Variants in AGAP1 observed in about 807,000 individuals in gnomAD.
AGAP1 encodes the protein ArfGAP with GTPase domain, ankyrin repeat and PH domain 1, also known as arf-GAP with GTPase, ANK repeat and PH domain-containing protein 1.
A neutral mutation model predicts 105.3 loss-of-function variants in AGAP1; 29 were observed. The observed-to-expected ratio is 0.28, with a 90% CI of 0.21 to 0.38. The LOEUF is 0.38. AGAP1 is among the 10% of genes least tolerant of loss of function. The pLI, the probability that AGAP1 is intolerant of heterozygous loss-of-function variation, is 1.00. For missense variants in AGAP1, 998 were observed against 1,165.1 expected, an observed-to-expected ratio of 0.86 and a Z score of 2.09; for synonymous variants, 509 against 485.9, an observed-to-expected ratio of 1.05 and a Z score of -0.63.
At chr2:235,617,373 C>T (rs1019098815) in intron 1 of AGAP1, among the ~76,000 whole-genome samples, 8 of 152,160 alleles carry the variant, frequency 5.3e-5, no homozygotes, top group African/African-American at 1.7e-4. Flanking sequence ...CCCAAATCAG[C>T]AGTGTGCTTG....
intron 1 of AGAP1, among the ~76,000 whole-genome samples, chr2:235,707,472 A>AAC (rs1950593577): frequency 8.9e-5 from 2 of 22,408 alleles, no homozygotes. Flanking sequence ...CCTCCCCATG[A>AAC]CCCCCCCCCC....
intron 6 of AGAP1, among the ~76,000 whole-genome samples, chr2:235,773,564 TTTCG>T (rs1046408258): frequency 2.6e-5 from 4 of 152,172 alleles, no homozygotes; most frequent in African/African-American, 9.7e-5. Flanking sequence ...AAGTTGGGGT[TTTCG>T]TTCGATTTAG....
At chr2:235,506,474 G>A (rs1221873121) in intron 1 of AGAP1, among the ~76,000 whole-genome samples, 6 of 151,622 alleles carry the variant, frequency 4.0e-5, no homozygotes, top group Non-Finnish European at 7.4e-5. Flanking sequence ...AGCTATGATT[G>A]CATCACTGCG....
intron 9 of AGAP1, chr2:235,852,710 C>G: frequency 6.6e-7 from 1 of 1,521,132 alleles, no homozygotes; most frequent in Non-Finnish European, 8.8e-7. Flanking sequence ...TGTCCTTGCA[C>G]TGACAGCCAG....
intron 16 of AGAP1, among the ~76,000 whole-genome samples, chr2:236,085,346 C>A (rs964986572): frequency 5.3e-5 from 8 of 152,032 alleles, no homozygotes; most frequent in Non-Finnish European, 7.4e-5. Flanking sequence ...GGGTGCAAAT[C>A]AGAAGCGTCC....
chr2:235,758,516 C>G (rs910799475), intron 6 of AGAP1, among the ~76,000 whole-genome samples: 2 of 152,078 alleles, frequency 1.3e-5, no homozygotes, highest in Admixed American at 1.3e-4. Context: ...GTCTCTACAC[C>G]CTCACCCCCT....
rs923808212 is a variant in AGAP1 at position 235,755,413 on chromosome 2, A to T, written c.673+4925A>T. Reference sequence around the variant, plus strand: ...GAAAAATAAAGTTCATTCCATGTAGACATTGTTCCTCTGGTCCTACGATCC... The same window carrying T: ...GAAAAATAAAGTTCATTCCATGTAGTCATTGTTCCTCTGGTCCTACGATCC... On this transcript the variant is annotated intron_variant, in intron 6 of 17. Transcript: ENST00000304032. 2.0e-5 allele frequency among the ~76,000 whole-genome samples: 3 copies of T among 152,296 alleles called. No individual in the cohort carries two copies. The South Asian group carries it at 6.2e-4, about 32-fold the overall frequency.
At position 236,040,527 on chromosome 2, in the gene AGAP1, A is replaced by C; in HGVS notation, c.1801-224A>C. On this transcript the variant is annotated intron_variant, in intron 14 of 17. Transcript: ENST00000304032. The surrounding 1 kb of genome is among the most constrained non-coding windows in gnomAD (Gnocchi z 5.6). ...TTTCTGGCAGAGTCCGTCTCAGCTG[A>C]TGAGTTAAAATGTGACATTTCCTCC... 3 of 532,676 alleles carry C rather than the reference A, an allele frequency of 5.6e-6. No individual in the cohort carries two copies. The highest frequency in any genetic ancestry group is 1.0e-5 in the Non-Finnish European group (3 of 295,688). 33.0% of individuals were successfully genotyped at this position (532,676 alleles called of 1,614,324 possible). A position where few individuals can be genotyped will look rare whatever the true frequency, so the allele number is the denominator to read the frequency against.
intron 5 of AGAP1, among the ~76,000 whole-genome samples, chr2:235,745,605 G>T (rs540186544): frequency 6.6e-6 from 1 of 152,342 alleles, no homozygotes; most frequent in African/African-American, 2.4e-5. Context: ...AGGAAAAATT[G>T]TATATCCCTT....
In AGAP1 at chr2:235,664,833, G is replaced by A. The variant is rs915831124; in HGVS notation, c.164-44346G>A. 2.0e-5 allele frequency among the ~76,000 whole-genome samples: 3 copies of A among 152,150 alleles called. No homozygotes were observed. The East Asian group carries it at 5.8e-4, about 29-fold the overall frequency. ...CCCATTCTCAGAGGATAAAGTACGT[G>A]TGAGTGATGCCACCTCAACCCTTAG... On this transcript the variant is annotated intron_variant, in intron 1 of 17. Coordinates refer to ENST00000304032, the MANE Select transcript of AGAP1 (RefSeq NM_001037131.3). This position sits in a 1 kb window ranked among gnomAD's most constrained non-coding sequence, Gnocchi z 5.7.
chr2:235,709,375 C>A, intron 2 of AGAP1, 138 bp downstream of exon 2: 2 of 1,001,290 alleles, frequency 2.0e-6, no homozygotes, highest in South Asian at 1.4e-5. Context: ...CTGGGAAGGG[C>A]CAGGTATAGT....
chr2:235,686,261 G>A (rs1229666665), intron 1 of AGAP1, among the ~76,000 whole-genome samples: 1 of 152,084 alleles, frequency 6.6e-6, no homozygotes, highest in Non-Finnish European at 1.5e-5. Context: ...AGAGGTGCTG[G>A]CCAAGGTGAA....
intron 9 of AGAP1, among the ~76,000 whole-genome samples, chr2:235,868,959 C>G (rs1020002625): frequency 6.6e-6 from 1 of 152,168 alleles, no homozygotes; most frequent in Non-Finnish European, 1.5e-5. Flanking sequence ...ATGTGCCTGC[C>G]TGGAATCCTG....
At chr2:235,713,595 A>G (rs1029469434) in intron 2 of AGAP1, among the ~76,000 whole-genome samples, 20 of 152,248 alleles carry the variant, frequency 1.3e-4, no homozygotes, top group Admixed American at 2.6e-4. Context: ...AGCCAGATCA[A>G]CACACTGATG....
At chr2:236,086,591 T>G (rs1045491066) in intron 16 of AGAP1, among the ~76,000 whole-genome samples, 6 of 152,230 alleles carry the variant, frequency 3.9e-5, no homozygotes, top group African/African-American at 1.4e-4. Context: ...CAAACAAAAC[T>G]AACCGTCACT....
At chr2:235,767,775 G>GGCTTTTT (rs1955087665) in intron 6 of AGAP1, among the ~76,000 whole-genome samples, 1 of 106,134 alleles carries the variant, frequency 9.4e-6, no homozygotes, top group African/African-American at 3.5e-5. Context: ...CCAGTTTCTT[G>GGCTTTTT]TCTTTTTTTT....
chr2:235,939,221 T>A (rs1394108916), intron 12 of AGAP1, among the ~76,000 whole-genome samples: 1 of 152,034 alleles, frequency 6.6e-6, no homozygotes, highest in East Asian at 1.9e-4. Flanking sequence ...TGCCTTCCTC[T>A]CCCTTGCCTG....
Position 235,959,582 on chromosome 2 carries a change from G to A in AGAP1, c.1484-8880G>A, listed in dbSNP as rs559984019. On this transcript the variant is annotated intron_variant, in intron 12 of 17. Coordinates refer to ENST00000304032, the MANE Select transcript of AGAP1 (RefSeq NM_001037131.3). The surrounding 1 kb of genome is among the most constrained non-coding windows in gnomAD (Gnocchi z 7.3). ...GCCTCCAGGTGGGTCCTCTCTGGTC[G>A]CTCCTCACTGGTCTTGAGTCCCAGG... Among the ~76,000 whole-genome samples the A allele has an allele frequency of 2.0e-5, 3 of 152,156 alleles. No homozygotes were observed. Among genetic ancestry groups the A allele is most frequent in the South Asian group, 4.2e-4 (2 of 4,806 alleles).
At position 235,728,326 on chromosome 2, in the gene AGAP1, T is replaced by TGTGTGTGTGTGTGTGTGTGTGTGTGTGC. The variant is rs986896995; in HGVS notation, c.310+10683_310+10684insTGTGTGTGTGTGTGTGTGTGTGTGTGCG. Among the ~76,000 whole-genome samples the TGTGTGTGTGTGTGTGTGTGTGTGTGTGC allele has an allele frequency of 4.1e-4, 62 of 151,740 alleles. No individual in the cohort carries two copies. The highest frequency in any genetic ancestry group is 1.4e-3 in the African/African-American group (59 of 41,202). On this transcript the variant is annotated intron_variant, in intron 3 of 17. Transcript: ENST00000304032. The surrounding 1 kb of genome is among the most constrained non-coding windows in gnomAD (Gnocchi z 4.3). Reference sequence around the variant, plus strand: ...CTGTGTGTGTGTGTGTGTGTGTGTGTGCGTGCTCTTAAATCAATGTAAATT... The same window carrying TGTGTGTGTGTGTGTGTGTGTGTGTGTGC: ...CTGTGTGTGTGTGTGTGTGTGTGTGTGTGTGTGTGTGTGTGTGTGTGTGTGTGCGCGTGCTCTTAAATCAATGTAAATT...
Sources: allele counts gnomAD v4.1 joint callset (sites outside exome capture counted in the v4.1 genomes callset), GRCh38; gene constraint gnomAD v4.1.1; non-coding constraint Gnocchi (gnomAD v3.1); transcripts MANE v1.5; gene names NCBI Gene and HGNC (gene_info 2026-07-23, HGNC 2026-07-21).